The following PHF24 variants were observed in gnomAD, a reference collection of about 807,000 sequenced individuals.
PHF24 encodes PHD finger protein 24.
PHF24 carries 25 observed loss-of-function variants against 42.6 expected under a neutral mutation model. The ratio of observed to expected loss-of-function variants is 0.59; its 90% CI spans 0.43 to 0.82. The LOEUF (loss-of-function observed/expected upper bound fraction) is 0.82. Among genes scored for constraint, PHF24 ranks in the 40% least tolerant of loss-of-function variants. The probability of loss-of-function intolerance (pLI) is 0.00; values close to 1 mark genes in which losing one functional copy is unlikely to be tolerated. For missense variants in PHF24, 470 were observed against 538.1 expected (o/e 0.87, Z 1.25); for synonymous variants, 185 against 204.8 (o/e 0.90, Z 0.83).
the PHF24 span, among the ~76,000 whole-genome samples, chr9:34,772,696 A>G: frequency 1.3e-5 from 2 of 152,210 alleles, no homozygotes; most frequent in Non-Finnish European, 2.9e-5. Flanking sequence ...TAGTAAGTGG[A>G]TGATGGAGTG....
At chr9:34,731,256 C>G in the PHF24 span, among the ~76,000 whole-genome samples, 1 of 152,310 alleles carries the variant, frequency 6.6e-6, no homozygotes, top group East Asian at 1.9e-4. Context: ...TCACCTCAAG[C>G]ATTTATCGCT....
chr9:34,769,531 T>TA, the PHF24 span, among the ~76,000 whole-genome samples: 4 of 152,200 alleles, frequency 2.6e-5, no homozygotes, highest in African/African-American at 9.7e-5. Flanking sequence ...AAAATGCCAA[T>TA]AGATTTCTCT....
chr9:34,823,231 G>C, the PHF24 span, among the ~76,000 whole-genome samples: 2 of 121,344 alleles, frequency 1.6e-5, no homozygotes, highest in African/African-American at 3.1e-5. Flanking sequence ...AAAAAAAAAA[G>C]ATTGTCCGAA....
chr9:34,803,418 GC>G, the PHF24 span, among the ~76,000 whole-genome samples: 5 of 149,996 alleles, frequency 3.3e-5, no homozygotes, highest in Non-Finnish European at 5.9e-5. Flanking sequence ...AAAAGCAGCA[GC>G]CCACAGACAT....
At chr9:34,757,435 T>C in the PHF24 span, among the ~76,000 whole-genome samples, 1 of 152,166 alleles carries the variant, frequency 6.6e-6, no homozygotes, top group African/African-American at 2.4e-5. Context: ...GGGTATAGTT[T>C]GGGGTTTTCT....
chr9:34,956,774 T>C (rs765903449), upstream of PHF24, among the ~76,000 whole-genome samples: 8 of 152,260 alleles, frequency 5.3e-5, no homozygotes, highest in Non-Finnish European at 1.2e-4. Context: ...GTCTGCTTTT[T>C]AGTGCTAGTT....
the PHF24 span, among the ~76,000 whole-genome samples, chr9:34,945,700 C>G: frequency 6.6e-6 from 1 of 152,124 alleles, no homozygotes; most frequent in Non-Finnish European, 1.5e-5. Context: ...TACTCACTTG[C>G]CCTTCCACCA....
At chr9:34,886,436 G>C in the PHF24 span, among the ~76,000 whole-genome samples, 1 of 152,044 alleles carries the variant, frequency 6.6e-6, no homozygotes, top group African/African-American at 2.4e-5. Flanking sequence ...AGGGTCATTA[G>C]TGATCTTTAT....
chr9:34,769,768 T>C, the PHF24 span, among the ~76,000 whole-genome samples: 2 of 152,188 alleles, frequency 1.3e-5, no homozygotes, highest in Non-Finnish European at 2.9e-5. Context: ...ATGTATGTAT[T>C]AGTATACGAG....
the PHF24 span, among the ~76,000 whole-genome samples, chr9:34,752,581 C>T: frequency 2.5e-4 from 38 of 152,092 alleles, no homozygotes; most frequent in African/African-American, 7.5e-4. Context: ...GACCTGATAG[C>T]GTCACTGCTG....
chr9:34,726,726 G>C, the PHF24 span: 2 of 1,551,740 alleles, frequency 1.3e-6, no homozygotes, highest in East Asian at 2.4e-5. Context: ...AATTGTGACA[G>C]TGTTGGGGTT....
the PHF24 span, among the ~76,000 whole-genome samples, chr9:34,786,623 T>C: frequency 1.3e-5 from 2 of 152,250 alleles, no homozygotes; most frequent in African/African-American, 4.8e-5. Flanking sequence ...TTTGGTCTTC[T>C]CTTTTGCAAG....
At chr9:34,741,880 C>A in the PHF24 span, among the ~76,000 whole-genome samples, 6 of 152,108 alleles carry the variant, frequency 3.9e-5, no homozygotes, top group South Asian at 1.2e-3. Context: ...TTAAGTATTT[C>A]ATCATACTAG....
chr9:34,859,075 C>T, the PHF24 span, among the ~76,000 whole-genome samples: 338 of 152,274 alleles, frequency 2.2e-3, 2 homozygotes, highest in African/African-American at 7.0e-3. Flanking sequence ...GGCCTGGGTG[C>T]CTTTTTCAAT....
the PHF24 span, chr9:34,893,043 C>A: frequency 1.1e-6 from 1 of 938,594 alleles, no homozygotes. Flanking sequence ...TGGTTGTTCT[C>A]ACCTGCCAGC....
chr9:34,709,310 T>C, the PHF24 span: 4 of 1,538,650 alleles, frequency 2.6e-6, no homozygotes, highest in South Asian at 4.6e-5. Flanking sequence ...CCCCTGAGCA[T>C]AGCCTCCTTC....
the PHF24 span, among the ~76,000 whole-genome samples, chr9:34,675,150 G>T: frequency 1.3e-5 from 2 of 152,196 alleles, no homozygotes; most frequent in African/African-American, 4.8e-5. Flanking sequence ...GAGCCACTGC[G>T]CTGGGCAGGT....
At chr9:34,750,563 T>C in the PHF24 span, among the ~76,000 whole-genome samples, 1 of 151,856 alleles carries the variant, frequency 6.6e-6, no homozygotes, top group African/African-American at 2.4e-5. Flanking sequence ...GAAGTTAAAA[T>C]ACAGAGTTTT....
the PHF24 span, among the ~76,000 whole-genome samples, chr9:34,713,413 C>G: frequency 6.6e-6 from 1 of 152,158 alleles, no homozygotes; most frequent in Non-Finnish European, 1.5e-5. Context: ...GGAATGTGGG[C>G]TGCTATCCCC....
Sources: allele counts gnomAD v4.1 joint callset (sites outside exome capture counted in the v4.1 genomes callset), GRCh38; gene constraint gnomAD v4.1.1; transcripts MANE v1.5; gene names NCBI Gene and HGNC (gene_info 2026-07-23, HGNC 2026-07-21).